The following MAOA variants were observed in gnomAD, a reference collection of about 807,000 sequenced individuals.
MAOA encodes the protein monoamine oxidase A, also known as amine oxidase [flavin-containing] A.
MAOA carries 6 observed loss-of-function variants against 42.0 expected under a neutral mutation model. That is an observed-to-expected ratio of 0.14 (90% CI 0.08 to 0.28). MAOA has a LOEUF of 0.28. MAOA is among the 10% of genes least tolerant of loss of function. MAOA has a pLI of 1.00. For synonymous variants in MAOA, 140 were observed against 154.0 expected (o/e 0.91, Z 0.67); for missense variants, 262 against 422.3 (o/e 0.62, Z 3.33).
intron 10 of MAOA, among the ~76,000 whole-genome samples, chrX:43,737,846 G>A (rs2033931780): frequency 9.0e-6 from 1 of 111,444 alleles, no homozygotes; most frequent in Admixed American, 9.5e-5. Flanking sequence ...ACCACACTAA[G>A]CTGACATTTT....
intron 1 of MAOA, among the ~76,000 whole-genome samples, chrX:43,667,005 C>A (rs148578789): frequency 4.3e-4 from 39 of 91,065 alleles, no homozygotes; most frequent in Non-Finnish European, 6.2e-4. Context: ...GGGTGGGGGG[C>A]GGGGGGGATA....
intron 5 of MAOA, among the ~76,000 whole-genome samples, chrX:43,723,051 C>A (rs899147361): frequency 2.7e-5 from 3 of 111,212 alleles, no homozygotes; most frequent in African/African-American, 9.8e-5. Context: ...CTATATATAT[C>A]TGTTTTGGTA....
chrX:43,662,730 A>G (rs1347540197), intron 1 of MAOA, among the ~76,000 whole-genome samples: 1 of 111,199 alleles, frequency 9.0e-6, no homozygotes, highest in East Asian at 2.8e-4. Context: ...CAGCCCTGTG[A>G]TTTAGAAAGT....
chrX:43,711,734 A>G (rs1166045684), intron 3 of MAOA, 138 bp from the exon 4 acceptor site: 1 of 502,084 alleles, frequency 2.0e-6, no homozygotes, highest in Non-Finnish European at 3.5e-6. Context: ...GTTGCCATCA[A>G]AGGTAATGTT....
intron 5 of MAOA, among the ~76,000 whole-genome samples, chrX:43,718,760 G>T (rs1025946930): frequency 7.2e-5 from 8 of 110,823 alleles, no homozygotes; most frequent in African/African-American, 2.6e-4. Context: ...AGAGTAGATG[G>T]TGAGGTGGGA....
chrX:43,696,127 G>A (rs968368268), intron 3 of MAOA, among the ~76,000 whole-genome samples: 3 of 111,740 alleles, frequency 2.7e-5, no homozygotes, highest in East Asian at 5.6e-4. Flanking sequence ...GATGATGCAC[G>A]TTACATTAGG....
At chrX:43,671,521 C>T (rs2033334887) in intron 1 of MAOA, among the ~76,000 whole-genome samples, 1 of 110,199 alleles carries the variant, frequency 9.1e-6, no homozygotes, top group South Asian at 3.9e-4. Flanking sequence ...CTTGTCCATG[C>T]CTATGTCCTG....
chrX:43,681,880 A>ATATT (rs1337382916), intron 1 of MAOA, among the ~76,000 whole-genome samples: 1,143 of 87,527 alleles, frequency 0.013, 29 homozygotes, highest in African/African-American at 0.045. Context: ...ATATATATAT[A>ATATT]TTTTTTTTTT....
chrX:43,739,881 A>G (rs2033947172), intron 10 of MAOA, among the ~76,000 whole-genome samples: 1 of 112,726 alleles, frequency 8.9e-6, no homozygotes, highest in Admixed American at 9.4e-5. Flanking sequence ...AAAACAGGTG[A>G]TTTTAGTAAA....
At chrX:43,737,103 A>C (rs753269482) in intron 10 of MAOA, among the ~76,000 whole-genome samples, 14 of 111,833 alleles carry the variant, frequency 1.3e-4, no homozygotes, top group Non-Finnish European at 2.1e-4. Context: ...GTGCACACGG[A>C]TTTGTTTATT....
At position 43,741,961 on chromosome X, in the gene MAOA, T is replaced by C. The variant is rs766083776; in HGVS notation, c.1176T>C (p.Tyr392=). 8.3e-7 allele frequency: 1 copy of C among 1,210,234 alleles called. No homozygotes were observed. The highest frequency in any genetic ancestry group is 1.1e-6 in the Non-Finnish European group (1 of 895,324). The change falls in exon 12 of 15, where the codon TAT becomes TAC. Residue 392 remains tyrosine (Y), a synonymous_variant. Transcript: ENST00000338702. ...CCACTGAACTGCAGCCAGTGCATTATGAAGAGAAGAACTGGTGTGAGGAGC... is the reference window on the plus strand; with the variant it reads ...CCACTGAACTGCAGCCAGTGCATTACGAAGAGAAGAACTGGTGTGAGGAGC... ...GSQEALHPVH[Y]EEKNWCEEQY...
At chrX:43,702,137 T>C (rs2033629392) in intron 3 of MAOA, among the ~76,000 whole-genome samples, 1 of 112,313 alleles carries the variant, frequency 8.9e-6, no homozygotes, top group East Asian at 2.8e-4. Context: ...TGATCACATG[T>C]TGAGCCAGCT....
chrX:43,661,087 C>T lies in MAOA; in HGVS notation c.73+4673C>T, dbSNP rs139828654. Among the ~76,000 whole-genome samples the T allele has an allele frequency of 3.6e-3, 408 of 111,806 alleles. 2 individuals are homozygous for T. The highest frequency in any genetic ancestry group is 0.013 in the African/African-American group (392 of 30,789). On this transcript the variant is annotated intron_variant, in intron 1 of 14. Coordinates refer to ENST00000338702, the MANE Select transcript of MAOA (RefSeq NM_000240.4). ...AGTGATTAGAGCCAGATGGCTGTAG[C>T]TTTGAACGCATTTAAGGATAGGAAA...
intron 3 of MAOA, among the ~76,000 whole-genome samples, chrX:43,707,092 G>A (rs1395253234): frequency 9.0e-6 from 1 of 111,532 alleles, no homozygotes; most frequent in Non-Finnish European, 1.9e-5. Context: ...ATAAGACTGT[G>A]CCAATATAAT....
rs1768519556 is a variant in MAOA at position 43,744,288 on chromosome X, C to T, written c.1438-79C>T. 4 of 1,139,289 alleles carry T rather than the reference C, an allele frequency of 3.5e-6. No homozygotes were observed. In the Admixed American group the frequency reaches 8.7e-5, roughly 25 times the overall value. 93.9% of individuals were successfully genotyped at this position (1,139,289 alleles called of 1,213,427 possible). The stretch of plus-strand genomic sequence containing the variant: ...ATAGATGCAACTATCCCAGGGGTCT[C>T]CATGCATGGATCTTGCAGTGTTTTG... On this transcript the variant is annotated intron_variant, in intron 14 of 14. Transcript: ENST00000338702.
intron 3 of MAOA, among the ~76,000 whole-genome samples, chrX:43,703,514 T>C (rs946379315): frequency 8.9e-6 from 1 of 112,287 alleles, no homozygotes; most frequent in Non-Finnish European, 1.9e-5. Context: ...TGTATTCCCA[T>C]GTGTAACATT....
intron 9 of MAOA, among the ~76,000 whole-genome samples, chrX:43,733,488 C>A (rs755763958): frequency 9.0e-6 from 1 of 111,704 alleles, no homozygotes; most frequent in Non-Finnish European, 1.9e-5. Flanking sequence ...GCTGGGGAGT[C>A]CAGAGAAGGA....
intron 4 of MAOA, among the ~76,000 whole-genome samples, chrX:43,712,217 T>C (rs2033705060): frequency 9.0e-6 from 1 of 111,563 alleles, no homozygotes; most frequent in Non-Finnish European, 1.9e-5. Context: ...CACTCTCTTA[T>C]ACAAATGCCT....
At chrX:43,708,610 C>G (rs1262037431) in intron 3 of MAOA, among the ~76,000 whole-genome samples, 2 of 110,348 alleles carry the variant, frequency 1.8e-5, no homozygotes, top group East Asian at 5.7e-4. Flanking sequence ...TGATGAAATC[C>G]TTTATCAACA....
Sources: allele counts gnomAD v4.1 joint callset (sites outside exome capture counted in the v4.1 genomes callset), GRCh38; gene constraint gnomAD v4.1.1; transcripts MANE v1.5; gene names NCBI Gene and HGNC (gene_info 2026-07-23, HGNC 2026-07-21).